The following CAB39 variants were observed in gnomAD, a reference collection of about 807,000 sequenced individuals.
The protein encoded by CAB39 is calcium-binding protein 39.
Under a neutral mutation model 40.0 loss-of-function variants are expected in CAB39, and 8 were observed. The observed-to-expected ratio is 0.20, with a 90% CI of 0.12 to 0.36. The LOEUF (loss-of-function observed/expected upper bound fraction) is 0.36, where lower values mean the gene tolerates loss of function less well. Among genes scored for constraint, CAB39 ranks in the 10% least tolerant of loss-of-function variants. The pLI, the probability that CAB39 is intolerant of heterozygous loss-of-function variation, is 1.00. For synonymous variants in CAB39, 156 were observed against 141.6 expected, an observed-to-expected ratio of 1.10 and a Z score of -0.72; for missense variants, 270 against 401.1, an observed-to-expected ratio of 0.67 and a Z score of 2.79.
intron 2 of CAB39, among the ~76,000 whole-genome samples, chr2:230,782,914 G>A (rs1185080409): frequency 2.7e-5 from 4 of 149,080 alleles, no homozygotes; most frequent in Non-Finnish European, 5.9e-5. Flanking sequence ...CTGGGTTCAC[G>A]CCATTCTCCT....
intron 5 of CAB39, among the ~76,000 whole-genome samples, chr2:230,807,596 CAT>C (rs1188977333): frequency 6.6e-6 from 1 of 152,130 alleles, no homozygotes; most frequent in African/African-American, 2.4e-5. Context: ...GATGGTAACA[CAT>C]AGAATCTCCC....
At chr2:230,811,694 G>T (rs909851155) in intron 6 of CAB39, among the ~76,000 whole-genome samples, 1 of 152,226 alleles carries the variant, frequency 6.6e-6, no homozygotes, top group Non-Finnish European at 1.5e-5. Context: ...GGATCATCAT[G>T]AGGATTAGAT....
intron 1 of CAB39, among the ~76,000 whole-genome samples, chr2:230,727,943 A>G (rs1008818725): frequency 2.0e-5 from 3 of 152,204 alleles, no homozygotes; most frequent in African/African-American, 7.2e-5. Context: ...AATTCATGTT[A>G]CAAAACTAGC....
At chr2:230,732,299 G>A (rs201035237) in intron 1 of CAB39, among the ~76,000 whole-genome samples, 1 of 152,016 alleles carries the variant, frequency 6.6e-6, no homozygotes, top group East Asian at 2.0e-4. Context: ...AGCCAGGATG[G>A]TCTCAATCTC....
intron 1 of CAB39, among the ~76,000 whole-genome samples, chr2:230,751,857 G>T (rs1367286694): frequency 1.3e-5 from 2 of 152,076 alleles, no homozygotes; most frequent in African/African-American, 4.8e-5. Context: ...TACTAATAAT[G>T]ACTGTCTCTT....
At chr2:230,731,449 G>A (rs187211265) in intron 1 of CAB39, among the ~76,000 whole-genome samples, 7 of 152,236 alleles carry the variant, frequency 4.6e-5, no homozygotes, top group Admixed American at 3.3e-4. Flanking sequence ...CTGTTTTATT[G>A]ATTGTGGTGG....
At chr2:230,732,804 G>GC (rs1461040542) in intron 1 of CAB39, among the ~76,000 whole-genome samples, 3 of 152,154 alleles carry the variant, frequency 2.0e-5, no homozygotes, top group Non-Finnish European at 4.4e-5. Context: ...GCAACTAGTT[G>GC]CCCACCTGGC....
chr2:230,726,282 C>G (rs924726229), intron 1 of CAB39, among the ~76,000 whole-genome samples: 2 of 151,990 alleles, frequency 1.3e-5, no homozygotes, highest in African/African-American at 4.8e-5. Flanking sequence ...CGTGCCTTAG[C>G]CTCCTGAGTA....
At chr2:230,763,029 T>C (rs1029824804) in intron 2 of CAB39, among the ~76,000 whole-genome samples, 2 of 152,226 alleles carry the variant, frequency 1.3e-5, no homozygotes, top group Admixed American at 1.3e-4. Context: ...TGTTATCTAT[T>C]GATGCTACCC....
chr2:230,777,269 T>C (rs1375573371), intron 2 of CAB39, among the ~76,000 whole-genome samples: 2 of 152,120 alleles, frequency 1.3e-5, no homozygotes, highest in Non-Finnish European at 2.9e-5. Flanking sequence ...GGGATTCTCA[T>C]TCATATTCTA....
rs1696078443 is a variant in CAB39 at position 230,800,909 on chromosome 2, AATGGCAGTG to A, written c.567+2017_567+2025del. Among the ~76,000 whole-genome samples, 7 of 152,170 alleles carry A rather than the reference AATGGCAGTG, an allele frequency of 4.6e-5. No homozygotes were observed. In the South Asian group the frequency reaches 1.5e-3, roughly 32 times the overall value. ...TTTTGATAATTCTCACCAAGGAGAA[AATGGCAGTG>A]ATGGATCGCTATGGGTAAAGCAGCC... On this transcript the variant is annotated intron_variant, in intron 5 of 8. Transcript: ENST00000258418.
rs1182534306 is a variant in CAB39 at position 230,820,543 on chromosome 2, G to A, written c.*1839G>A. The A allele has an allele frequency of 1.3e-5, 2 of 152,258 alleles. No homozygotes were observed. The highest frequency in any genetic ancestry group is 3.8e-4 in the East Asian group (2 of 5,196). The allele number at this position is 152,258 out of a possible 1,614,324, so 9.4% of individuals were successfully genotyped here. On this transcript the variant is annotated 3_prime_UTR_variant, in exon 9 of 9. Transcript: ENST00000258418. ...CCGTGATGTGGTGTCCTGGCTTTGT[G>A]GTGTAGTGCTGTGTGTATGGAGTTA...
intron 1 of CAB39, chr2:230,725,166 C>T: frequency 6.2e-7 from 1 of 1,613,312 alleles, no homozygotes; most frequent in Non-Finnish European, 8.5e-7. Context: ...TCGCACCACT[C>T]TCGAAGGCAG....
At chr2:230,801,687 C>A (rs1290963352) in intron 5 of CAB39, among the ~76,000 whole-genome samples, 1 of 152,010 alleles carries the variant, frequency 6.6e-6, no homozygotes, top group African/African-American at 2.4e-5. Flanking sequence ...GCCTGGCCAA[C>A]ATGATGAAAC....
At position 230,798,584 on chromosome 2, in the gene CAB39, A is replaced by T. The variant is rs897668035; in HGVS notation, c.399-145A>T. The T allele has an allele frequency of 2.0e-5, 12 of 613,824 alleles. No individual in the cohort carries two copies. In the Admixed American group the frequency reaches 3.9e-4, roughly 20 times the overall value. The allele number at this position is 613,824 out of a possible 1,614,324, so 38.0% of individuals were successfully genotyped here. On this transcript the variant is annotated intron_variant, in intron 4 of 8. Transcript: ENST00000258418. ...TGAGCACATGCTCTGCTCCGACTGA[A>T]ATACCTTCTGTAATCTGCGATGGTC...
chr2:230,787,135 G>A (rs897927040), intron 2 of CAB39, among the ~76,000 whole-genome samples: 4 of 152,186 alleles, frequency 2.6e-5, no homozygotes, highest in African/African-American at 7.2e-5. Context: ...TCATGGTCAG[G>A]AAATAGGGAA....
chr2:230,721,225 G>A (rs1364834543), intron 1 of CAB39, among the ~76,000 whole-genome samples: 1 of 152,216 alleles, frequency 6.6e-6, no homozygotes, highest in Non-Finnish European at 1.5e-5. Flanking sequence ...AAGGTCAGGA[G>A]TTCAAGACCT....
chr2:230,778,125 C>T (rs1695626008), intron 2 of CAB39, among the ~76,000 whole-genome samples: 2 of 152,166 alleles, frequency 1.3e-5, no homozygotes, highest in Non-Finnish European at 2.9e-5. Context: ...TATACTTCAG[C>T]ATGTTACTAT....
At chr2:230,794,817 C>G (rs563625540) in intron 4 of CAB39, among the ~76,000 whole-genome samples, 2 of 145,724 alleles carry the variant, frequency 1.4e-5, no homozygotes, top group African/African-American at 5.5e-5. Flanking sequence ...AGTCCTTGCC[C>G]CCTTTTTCCT....
Sources: gnomAD v4.1 joint callset for allele counts (sites outside exome capture counted in the v4.1 genomes callset) on GRCh38, gnomAD v4.1.1 for gene constraint, MANE v1.5 for transcripts, NCBI Gene and HGNC (gene_info 2026-07-23, HGNC 2026-07-21) for gene names.